SESTD1: variants seen among roughly 807,000 people sequenced by gnomAD.
The protein encoded by SESTD1 is SEC14 and spectrin domain containing 1.
In SESTD1, 43 loss-of-function variants were observed where a neutral mutation model predicts 101.7. The ratio of observed to expected loss-of-function variants is 0.42; its 90% CI spans 0.33 to 0.55. The LOEUF is 0.55. Ranked by LOEUF, SESTD1 falls within the 20% of genes least tolerant of loss-of-function variation. The pLI, the probability that SESTD1 is intolerant of heterozygous loss-of-function variation, is 0.07. For synonymous variants in SESTD1, 283 were observed against 286.8 expected, an observed-to-expected ratio of 0.99 and a Z score of 0.13; for missense variants, 647 against 815.1, an observed-to-expected ratio of 0.79 and a Z score of 2.51.
At chr2:179,132,793 A>C (rs1484623093) in intron 9 of SESTD1, among the ~76,000 whole-genome samples, 1 of 152,252 alleles carries the variant, frequency 6.6e-6, no homozygotes, top group Non-Finnish European at 1.5e-5. Context: ...TATCAGTCAA[A>C]GTTCTTAACT....
chr2:179,134,667 A>G (rs534063209), intron 9 of SESTD1, among the ~76,000 whole-genome samples: 2 of 152,230 alleles, frequency 1.3e-5, no homozygotes, highest in African/African-American at 4.8e-5. Context: ...TGGTTTTCCA[A>G]TAGAGATCTT....
At chr2:179,160,789 T>C (rs1329758788) in intron 5 of SESTD1, among the ~76,000 whole-genome samples, 5 of 150,458 alleles carry the variant, frequency 3.3e-5, no homozygotes, top group African/African-American at 1.0e-4. Flanking sequence ...TCTCATACAC[T>C]CTCCATATCA....
At chr2:179,169,873 C>T (rs2045900775) in intron 5 of SESTD1, among the ~76,000 whole-genome samples, 1 of 151,342 alleles carries the variant, frequency 6.6e-6, no homozygotes, top group South Asian at 2.1e-4. Context: ...ACGTGGGAGG[C>T]TCAGGCAGGA....
chr2:179,171,084 A>C lies in SESTD1; in HGVS notation c.369+1036T>G, dbSNP rs1012499357. Among the ~76,000 whole-genome samples, 5 of 152,210 alleles carry C rather than the reference A, an allele frequency of 3.3e-5. No homozygotes were observed. In the South Asian group the frequency reaches 8.3e-4, roughly 25 times the overall value. On this transcript the variant is annotated intron_variant, in intron 5 of 17. Transcript: ENST00000428443. ...ACCAGTCAGGGGCTAGAAATGGAGAAGTTAACTATAGGAGCATATAGGGGA... is the reference window on the plus strand; with the variant it reads ...ACCAGTCAGGGGCTAGAAATGGAGACGTTAACTATAGGAGCATATAGGGGA...
intron 1 of SESTD1, among the ~76,000 whole-genome samples, chr2:179,252,416 T>A (rs1481869964): frequency 3.3e-5 from 5 of 152,230 alleles, no homozygotes; most frequent in Non-Finnish European, 5.9e-5. Flanking sequence ...GTAAAGGTAA[T>A]TCAAGATCTA....
At position 179,212,222 on chromosome 2, in the gene SESTD1, C is replaced by T. The variant is rs1252535256; in HGVS notation, c.-25-20356G>A. Reference sequence around the variant, plus strand: ...GCTTCACCTAGGAAGCGCAAGGGGCCGGGGGATTTTCCTTTCCTAGCCAAG... The same window carrying T: ...GCTTCACCTAGGAAGCGCAAGGGGCTGGGGGATTTTCCTTTCCTAGCCAAG... On this transcript the variant is annotated intron_variant, in intron 1 of 17. Transcript: ENST00000428443. Among the ~76,000 whole-genome samples, 6 of 133,980 alleles carry T rather than the reference C, an allele frequency of 4.5e-5. 2 individuals are homozygous for T. Among genetic ancestry groups the T allele is most frequent in the South Asian group, 5.8e-4 (2 of 3,460 alleles). The allele number at this position is 133,980 out of a possible 152,430, so 87.9% of individuals were successfully genotyped here.
intron 4 of SESTD1, chr2:179,174,509 T>C (rs2045976960): frequency 2.2e-6 from 1 of 448,974 alleles, no homozygotes; most frequent in Non-Finnish European, 4.5e-6. Flanking sequence ...AAGGTCATAA[T>C]TAATGGATTT....
chr2:179,132,954 T>C (rs1359207307), intron 9 of SESTD1, among the ~76,000 whole-genome samples: 2 of 152,206 alleles, frequency 1.3e-5, no homozygotes, highest in African/African-American at 4.8e-5. Flanking sequence ...AATTAACTAC[T>C]ATAAAGTTAA....
chr2:179,192,324 T>A (rs1230946649), intron 1 of SESTD1, among the ~76,000 whole-genome samples: 1 of 152,192 alleles, frequency 6.6e-6, no homozygotes, highest in Non-Finnish European at 1.5e-5. Context: ...ATGCCAAATA[T>A]CTGATTCTTT....
intron 1 of SESTD1, among the ~76,000 whole-genome samples, chr2:179,203,587 T>C (rs1265946223): frequency 7.4e-6 from 1 of 134,928 alleles, no homozygotes; most frequent in African/African-American, 2.9e-5. Flanking sequence ...TCCTGAGTTG[T>C]ATCCTTTATA....
At chr2:179,243,885 T>G (rs1175163045) in intron 1 of SESTD1, among the ~76,000 whole-genome samples, 1 of 151,668 alleles carries the variant, frequency 6.6e-6, no homozygotes, top group Non-Finnish European at 1.5e-5. Flanking sequence ...AAACTACATA[T>G]GTACCCCATG....
At position 179,143,585 on chromosome 2, in the gene SESTD1, C is replaced by T. The variant is rs2045327771; in HGVS notation, c.849+7G>A. The T allele has an allele frequency of 1.2e-6, 2 of 1,612,460 alleles. No individual in the cohort carries two copies. The highest frequency in any genetic ancestry group is 1.7e-6 in the Non-Finnish European group (2 of 1,178,798). The stretch of plus-strand genomic sequence containing the variant: ...AAGAGTTAAATATATTCAAATCAGA[C>T]ACCTACCTGCATTACCTTCTGTTGA... On this transcript the variant is annotated splice_region_variant and intron_variant, in intron 9 of 17. Transcript: ENST00000428443.
intron 1 of SESTD1, among the ~76,000 whole-genome samples, chr2:179,205,220 G>A (rs1230409851): frequency 8.2e-6 from 1 of 122,210 alleles, no homozygotes; most frequent in African/African-American, 3.4e-5. Context: ...TTACTCTGTT[G>A]CCATTTAATT....
chr2:179,109,726 G>C lies in SESTD1; in HGVS notation c.*173C>G. 1.4e-6 allele frequency: 1 copy of C among 707,230 alleles called. No individual in the cohort carries two copies. Among genetic ancestry groups the C allele is most frequent in the Non-Finnish European group, 2.3e-6 (1 of 442,548 alleles). 43.8% of individuals were successfully genotyped at this position (707,230 alleles called of 1,614,324 possible). A position where few individuals can be genotyped will look rare whatever the true frequency, so the allele number is the denominator to read the frequency against. On this transcript the variant is annotated 3_prime_UTR_variant, in exon 18 of 18. Coordinates refer to ENST00000428443, the MANE Select transcript of SESTD1 (RefSeq NM_178123.5). Reference sequence around the variant, plus strand: ...AATCTACAGCCTCGAAGCATGTTAAGTAATTATGCCTTGGTAGTAGCAAGG... The same window carrying C: ...AATCTACAGCCTCGAAGCATGTTAACTAATTATGCCTTGGTAGTAGCAAGG...
intron 1 of SESTD1, among the ~76,000 whole-genome samples, chr2:179,257,550 T>G (rs1035241744): frequency 6.6e-6 from 1 of 152,236 alleles, no homozygotes; most frequent in East Asian, 1.9e-4. Context: ...GAAACTGAAC[T>G]GGCAATATCT....
intron 1 of SESTD1, among the ~76,000 whole-genome samples, chr2:179,226,573 G>C (rs1250615040): frequency 6.6e-6 from 1 of 152,188 alleles, no homozygotes; most frequent in African/African-American, 2.4e-5. Flanking sequence ...TATGTGCATA[G>C]AAGTGGTTGG....
chr2:179,141,289 T>A (rs2045269434), intron 9 of SESTD1, among the ~76,000 whole-genome samples: 1 of 152,194 alleles, frequency 6.6e-6, no homozygotes, highest in Admixed American at 6.5e-5. Context: ...TCTTGCAAAC[T>A]AGGACACCAA....
chr2:179,115,371 T>C (rs1454800439), intron 15 of SESTD1, 115 bp from the exon 16 acceptor site: 4 of 698,018 alleles, frequency 5.7e-6, no homozygotes, highest in South Asian at 2.2e-5. Context: ...AAATCAATAC[T>C]GAATAAATCT....
intron 1 of SESTD1, among the ~76,000 whole-genome samples, chr2:179,250,736 T>C (rs1489525723): frequency 2.6e-5 from 4 of 152,196 alleles, no homozygotes; most frequent in Non-Finnish European, 5.9e-5. Flanking sequence ...AATCACACTC[T>C]GAGGTACTAG....
Sources: gnomAD v4.1 joint callset for allele counts (sites outside exome capture counted in the v4.1 genomes callset) on GRCh38, gnomAD v4.1.1 for gene constraint, MANE v1.5 for transcripts, NCBI Gene and HGNC (gene_info 2026-07-23, HGNC 2026-07-21) for gene names.